Variants in SLC24A2 observed in about 807,000 individuals in gnomAD.
The protein encoded by SLC24A2 is solute carrier family 24 member 2.
A neutral mutation model predicts 62.0 loss-of-function variants in SLC24A2; 36 were observed. That is an observed-to-expected ratio of 0.58 (90% CI 0.44 to 0.77). SLC24A2 has a LOEUF of 0.77. Among genes scored for constraint, SLC24A2 ranks in the 30% least tolerant of loss-of-function variants. The pLI, the probability that SLC24A2 is intolerant of heterozygous loss-of-function variation, is 0.00. For missense variants in SLC24A2, 846 were observed against 817.9 expected, an observed-to-expected ratio of 1.03 and a Z score of -0.42; for synonymous variants, 358 against 294.0, an observed-to-expected ratio of 1.22 and a Z score of -2.23.
chr9:20,256,407 C>A, the SLC24A2 span, among the ~76,000 whole-genome samples: 3 of 152,200 alleles, frequency 2.0e-5, no homozygotes, highest in Admixed American at 1.3e-4. Context: ...AAAGGCTACA[C>A]AATGAAGGCA....
At chr9:19,642,539 T>G (rs1007077412) in intron 2 of SLC24A2, among the ~76,000 whole-genome samples, 2 of 152,148 alleles carry the variant, frequency 1.3e-5, no homozygotes, top group African/African-American at 4.8e-5. Flanking sequence ...AGAACCAAGT[T>G]CACTAATGCA....
Position 19,507,966 on chromosome 9 carries a change from A to G in SLC24A2, c.*8187T>C, listed in dbSNP as rs554997425. 9 of 152,372 alleles carry G rather than the reference A, an allele frequency of 5.9e-5. No individual in the cohort carries two copies. Among genetic ancestry groups the G allele is most frequent in the African/African-American group, 2.2e-4 (9 of 41,600 alleles). 9.4% of individuals were successfully genotyped at this position (152,372 alleles called of 1,614,324 possible). A position where few individuals can be genotyped will look rare whatever the true frequency, so the allele number is the denominator to read the frequency against. ...TTTATATGTTATAGAGCAAATGTCT[A>G]TGTTGGCGTCAACGTTGACAACATT... On this transcript the variant is annotated 3_prime_UTR_variant, in exon 11 of 11. Transcript: ENST00000341998.
At chr9:20,044,845 C>A in the SLC24A2 span, among the ~76,000 whole-genome samples, 15 of 152,178 alleles carry the variant, frequency 9.9e-5, no homozygotes, top group Non-Finnish European at 7.4e-5. Context: ...GCAAAAATTA[C>A]CCCCAACCAC....
At chr9:20,080,951 T>C in the SLC24A2 span, among the ~76,000 whole-genome samples, 1 of 152,206 alleles carries the variant, frequency 6.6e-6, no homozygotes, top group Admixed American at 6.5e-5. Flanking sequence ...CCAGTTAGAA[T>C]GGCAATCATT....
chr9:20,210,900 C>T, the SLC24A2 span, among the ~76,000 whole-genome samples: 9 of 152,102 alleles, frequency 5.9e-5, no homozygotes, highest in South Asian at 1.7e-3. Flanking sequence ...ATTATCATCA[C>T]AATCCCACTG....
At chr9:19,655,308 T>C (rs1818914645) in intron 2 of SLC24A2, among the ~76,000 whole-genome samples, 1 of 152,236 alleles carries the variant, frequency 6.6e-6, no homozygotes, top group Admixed American at 6.5e-5. Context: ...TAAATAGCCT[T>C]GGACAGAAAA....
chr9:20,225,922 T>C, the SLC24A2 span, among the ~76,000 whole-genome samples: 96 of 151,786 alleles, frequency 6.3e-4, no homozygotes, highest in African/African-American at 2.1e-3. Context: ...TGTACATACA[T>C]AGGAAGGAGA....
the SLC24A2 span, among the ~76,000 whole-genome samples, chr9:19,949,472 C>T: frequency 1.3e-5 from 2 of 152,206 alleles, no homozygotes; most frequent in Non-Finnish European, 2.9e-5. Context: ...TAGTCAAAGG[C>T]TTTCAAGTCT....
At chr9:19,557,845 C>T (rs1465586529) in intron 7 of SLC24A2, among the ~76,000 whole-genome samples, 2 of 147,264 alleles carry the variant, frequency 1.4e-5, no homozygotes, top group African/African-American at 5.1e-5. Flanking sequence ...GGGTCTCACT[C>T]TGTCACCTAG....
the SLC24A2 span, among the ~76,000 whole-genome samples, chr9:20,023,808 C>T: frequency 2.0e-5 from 3 of 152,094 alleles, no homozygotes; most frequent in South Asian, 2.1e-4. Context: ...CTCCTCCTGC[C>T]CCCCACTAGA....
intron 10 of SLC24A2, among the ~76,000 whole-genome samples, chr9:19,517,216 A>C (rs1302158322): frequency 6.6e-6 from 1 of 152,190 alleles, no homozygotes; most frequent in African/African-American, 2.4e-5. Context: ...AGATGGCTGG[A>C]AGTGCAAGGC....
chr9:19,620,188 A>G (rs963119838), intron 3 of SLC24A2, among the ~76,000 whole-genome samples: 5 of 152,208 alleles, frequency 3.3e-5, no homozygotes, highest in African/African-American at 1.2e-4. Context: ...AAATGTTTAA[A>G]TGTATATAAA....
At chr9:19,626,721 A>G (rs901537439) in intron 2 of SLC24A2, among the ~76,000 whole-genome samples, 4 of 152,232 alleles carry the variant, frequency 2.6e-5, no homozygotes, top group Non-Finnish European at 4.4e-5. Flanking sequence ...CTGGTGAGGA[A>G]TGATTTGAAT....
At chr9:19,689,812 C>T (rs914724141) in intron 2 of SLC24A2, among the ~76,000 whole-genome samples, 1 of 152,084 alleles carries the variant, frequency 6.6e-6, no homozygotes, top group Non-Finnish European at 1.5e-5. Context: ...CAAGGGATGC[C>T]CAGATAGCTG....
chr9:20,182,927 A>T, the SLC24A2 span, among the ~76,000 whole-genome samples: 2 of 152,238 alleles, frequency 1.3e-5, no homozygotes, highest in Non-Finnish European at 2.9e-5. Context: ...TGAATGTTCT[A>T]AGATTCCTTT....
At chr9:20,103,057 G>C in the SLC24A2 span, among the ~76,000 whole-genome samples, 1 of 152,212 alleles carries the variant, frequency 6.6e-6, no homozygotes, top group Non-Finnish European at 1.5e-5. Context: ...CCCACGCCTG[G>C]CTTGGAGTGT....
the SLC24A2 span, among the ~76,000 whole-genome samples, chr9:20,225,161 G>A: frequency 7.4e-4 from 112 of 152,200 alleles, 2 homozygotes; most frequent in South Asian, 0.022. Flanking sequence ...TAAGAAAGAA[G>A]GGTACATATT....
intron 2 of SLC24A2, among the ~76,000 whole-genome samples, chr9:19,677,129 T>C (rs751466998): frequency 2.6e-5 from 4 of 152,188 alleles, no homozygotes; most frequent in Non-Finnish European, 5.9e-5. Flanking sequence ...CACATGCACA[T>C]GTATGTTCAC....
chr9:19,770,282 T>C (rs1435192497), intron 2 of SLC24A2, among the ~76,000 whole-genome samples: 6 of 152,004 alleles, frequency 3.9e-5, no homozygotes, highest in Admixed American at 2.6e-4. Context: ...GGTTCTGTTC[T>C]GGACATCTAA....
Sources: gnomAD v4.1 joint callset for allele counts (sites outside exome capture counted in the v4.1 genomes callset) on GRCh38, gnomAD v4.1.1 for gene constraint, MANE v1.5 for transcripts, NCBI Gene and HGNC (gene_info 2026-07-23, HGNC 2026-07-21) for gene names.